ZFR2: variants seen among roughly 807,000 people sequenced by gnomAD.
ZFR2 encodes the protein zinc finger RNA-binding protein 2.
ZFR2 carries 104 observed loss-of-function variants against 105.7 expected under a neutral mutation model. That is an observed-to-expected ratio of 0.98 (90% CI 0.84 to 1.16). The LOEUF is 1.16. Among genes scored for constraint, ZFR2 ranks in the 50% most tolerant of loss-of-function variants. The probability of loss-of-function intolerance (pLI) is 0.00; values close to 1 mark genes in which losing one functional copy is unlikely to be tolerated. For synonymous variants in ZFR2, 634 were observed against 597.7 expected (o/e 1.06, Z -0.89); for missense variants, 1,425 against 1,355.5 (o/e 1.05, Z -0.80).
rs920353644 is a variant in ZFR2, at chr19:3,827,543, G to A, written c.963C>T (p.Cys321=). 9.6e-6 allele frequency: 15 copies of A among 1,561,670 alleles called. No individual in the cohort carries two copies. In the East Asian group the frequency reaches 9.6e-5, roughly 10 times the overall value. Residue 321 remains cysteine, a synonymous_variant, in exon 6 of 19, where the codon TGC becomes TGT. Transcript: ENST00000262961. The part of the protein sequence containing the change: ...SPRGVQAQLH[C]DLCAVSCTGA... ...CGGTGCAGGACACGGCGCACAGGTCGCAATGCAGCTGCGCCTGCACCCCGC... is the reference window on the plus strand; with the variant it reads ...CGGTGCAGGACACGGCGCACAGGTCACAATGCAGCTGCGCCTGCACCCCGC...
intron 1 of ZFR2, among the ~76,000 whole-genome samples, chr19:3,835,827 C>G (rs1474290087): frequency 6.6e-6 from 1 of 152,008 alleles, no homozygotes; most frequent in Non-Finnish European, 1.5e-5. Flanking sequence ...ATAGTACACG[C>G]CTGCAGTGCC....
chr19:3,868,738 C>CAG (rs2145204377), intron 1 of ZFR2, among the ~76,000 whole-genome samples: 1 of 152,210 alleles, frequency 6.6e-6, no homozygotes, highest in South Asian at 2.1e-4. Context: ...CCGTTGGCTG[C>CAG]AGAGACGTCT....
chr19:3,863,684 G>A (rs932802730), intron 1 of ZFR2, among the ~76,000 whole-genome samples: 1 of 152,172 alleles, frequency 6.6e-6, no homozygotes, highest in Non-Finnish European at 1.5e-5. Flanking sequence ...CAGCGTAAAG[G>A]ATGGCAATAA....
intron 1 of ZFR2, chr19:3,855,267 C>T (rs2038283741): frequency 7.9e-6 from 6 of 757,874 alleles, no homozygotes; most frequent in Non-Finnish European, 1.1e-5. Flanking sequence ...AAATCATTTG[C>T]ATTTTCAGAA....
rs754045019 is a variant in ZFR2, at chr19:3,834,315, C to T, written c.264+458G>A. Among the ~76,000 whole-genome samples, 32 of 148,530 alleles carry T rather than the reference C, an allele frequency of 2.2e-4. No homozygotes were observed. The highest frequency in any genetic ancestry group is 3.6e-4 in the Non-Finnish European group (24 of 66,894). ...AGTGCCTCGGTTGGGAAGGTGAGGTCGTCAGCACCCAGGTGCACCCCACAC... is the reference window on the plus strand; with the variant it reads ...AGTGCCTCGGTTGGGAAGGTGAGGTTGTCAGCACCCAGGTGCACCCCACAC... On this transcript the variant is annotated intron_variant, in intron 2 of 18. Coordinates refer to ENST00000262961, the MANE Select transcript of ZFR2 (RefSeq NM_015174.2). This position sits in a 1 kb window ranked among gnomAD's most constrained non-coding sequence, Gnocchi z 5.3.
Position 3,823,224 on chromosome 19 carries a change from G to A in ZFR2, c.1371+22C>T, listed in dbSNP as rs1364904947. 22 of 1,613,804 alleles carry A rather than the reference G, an allele frequency of 1.4e-5. No individual in the cohort carries two copies. The highest frequency in any genetic ancestry group is 1.8e-5 in the Non-Finnish European group (21 of 1,179,862). Reference sequence around the variant, plus strand: ...AGGTCCTTCCCTGACCGGGGCACCAGGACTTGACAGCCTCGACTTACCTCC... The same window carrying A: ...AGGTCCTTCCCTGACCGGGGCACCAAGACTTGACAGCCTCGACTTACCTCC... On this transcript the variant is annotated intron_variant, in intron 8 of 18. Coordinates refer to ENST00000262961, the MANE Select transcript of ZFR2 (RefSeq NM_015174.2). This position sits in a 1 kb window ranked among gnomAD's most constrained non-coding sequence, Gnocchi z 5.4.
At chr19:3,826,329 G>T (rs1002787820) in intron 6 of ZFR2, among the ~76,000 whole-genome samples, 2 of 151,988 alleles carry the variant, frequency 1.3e-5, no homozygotes, top group Non-Finnish European at 2.9e-5. Context: ...GGCCTCTCAG[G>T]GTGGCTCAGC....
In ZFR2 at chr19:3,805,090, T is replaced by G. The variant is rs2037682490; in HGVS notation, c.*859A>C. 1 of 152,206 alleles carries G rather than the reference T, an allele frequency of 6.6e-6. No homozygotes were observed. Among genetic ancestry groups the G allele is most frequent in the African/African-American group, 2.4e-5 (1 of 41,424 alleles). 9.4% of individuals were successfully genotyped at this position (152,206 alleles called of 1,614,324 possible). ...TGTCACCATATTGCCCAGACTGATCTTAAACCGCTGGGCTCAAGCGATCCA... is the reference window on the plus strand; with the variant it reads ...TGTCACCATATTGCCCAGACTGATCGTAAACCGCTGGGCTCAAGCGATCCA... On this transcript the variant is annotated 3_prime_UTR_variant, in exon 19 of 19. Coordinates refer to ENST00000262961, the MANE Select transcript of ZFR2 (RefSeq NM_015174.2).
chr19:3,826,966 G>A (rs1006688066), intron 6 of ZFR2, among the ~76,000 whole-genome samples: 16 of 152,094 alleles, frequency 1.1e-4, no homozygotes, highest in African/African-American at 3.6e-4. Flanking sequence ...AGGAGTCCCC[G>A]CACGGTGGCT....
At position 3,833,676 on chromosome 19, in the gene ZFR2, A is replaced by G; in HGVS notation, c.367T>C (p.Ser123Pro). Reference sequence around the variant, plus strand: ...GCAGATGGCTCACCTGGCTGGCCGGAGTCTGCGGCTGTCATGCGCCCAGAC... The same window carrying G: ...GCAGATGGCTCACCTGGCTGGCCGGGGTCTGCGGCTGTCATGCGCCCAGAC... The part of the protein sequence containing the change: ...LQSGRMTAAD[S>P]GQPGTQEACG... Residue 123 changes from serine (S) to proline (P), a missense_variant, in exon 3 of 19, where the codon TCC becomes CCC. Coordinates refer to ENST00000262961, the MANE Select transcript of ZFR2 (RefSeq NM_015174.2). 3 of 1,561,874 alleles carry G rather than the reference A, an allele frequency of 1.9e-6. No homozygotes were observed. Among genetic ancestry groups the G allele is most frequent in the Non-Finnish European group, 2.6e-6 (3 of 1,152,928 alleles).
chr19:3,843,856 G>GA (rs1021162963), intron 1 of ZFR2, among the ~76,000 whole-genome samples: 18 of 151,084 alleles, frequency 1.2e-4, no homozygotes, highest in Non-Finnish European at 2.1e-4. Context: ...AAGAAAGAAA[G>GA]AAAAAAAACA....
At position 3,816,805 on chromosome 19, in the gene ZFR2, G is replaced by A. The variant is rs759942163; in HGVS notation, c.1972C>T (p.Arg658Ter). 10 of 1,588,144 alleles carry A rather than the reference G, an allele frequency of 6.3e-6. No individual in the cohort carries two copies. In the East Asian group the frequency reaches 1.4e-4, roughly 22 times the overall value. The change falls in exon 13 of 19, where the codon CGA (arginine) becomes TGA (stop). Residue 658 changes from arginine (R) to a stop codon, truncating the protein, a stop_gained. Transcript: ENST00000262961. LOFTEE classifies it high-confidence loss of function. Reference sequence around the variant, plus strand: ...AGGCCTTTCGCCAGGATGCCTACTCGCATGACGCCTTTCAGGACCCGAGTC... The same window carrying A: ...AGGCCTTTCGCCAGGATGCCTACTCACATGACGCCTTTCAGGACCCGAGTC... ...PQTRVLKGVMRVGILAKGLLL... is the reference protein window; with the variant it reads ...PQTRVLKGVM
rs532926663 is a variant in ZFR2, at chr19:3,822,063, T to TC, written c.1491+17dup. Reference sequence around the variant, plus strand: ...GCACAGCCCGGACGGGTGTCGGAGCTCCCCCTGCTGGACGCACCCGGTACT... The same window carrying TC: ...GCACAGCCCGGACGGGTGTCGGAGCTCCCCCCTGCTGGACGCACCCGGTACT... On this transcript the variant is annotated intron_variant, in intron 9 of 18. Transcript: ENST00000262961. 4 of 1,582,318 alleles carry TC rather than the reference T, an allele frequency of 2.5e-6. No individual in the cohort carries two copies. Among genetic ancestry groups the TC allele is most frequent in the African/African-American group, 1.3e-5 (1 of 74,114 alleles).
chr19:3,834,833 G>A lies in ZFR2; in HGVS notation c.204C>T (p.Phe68=), dbSNP rs771174787. ...GCTCCTGGGGTCGGCTGCCGTAGGC[G>A]AAGTCCTGGCCGGAGTGGGGCTGGT... is the stretch of plus-strand genomic sequence containing the variant. The part of the protein sequence containing the change: ...GGYQPHSGQD[F]AYGSRPQEPV... The change falls in exon 2 of 19, where the codon TTC becomes TTT. Residue 68 remains phenylalanine (F), a synonymous_variant. Coordinates refer to ENST00000262961, the MANE Select transcript of ZFR2 (RefSeq NM_015174.2). This position sits in a 1 kb window ranked among gnomAD's most constrained non-coding sequence, Gnocchi z 5.3. The A allele has an allele frequency of 4.2e-5, 68 of 1,612,342 alleles. No homozygotes were observed. Among genetic ancestry groups the A allele is most frequent in the Middle Eastern group, 1.7e-4 (1 of 5,994 alleles).
intron 3 of ZFR2, 51 bp downstream of exon 3, chr19:3,833,613 G>T: frequency 1.4e-6 from 2 of 1,385,906 alleles, no homozygotes; most frequent in Non-Finnish European, 2.0e-6. Context: ...GTTTCCCTGT[G>T]CTGCGGGGAG....
rs757256545 is a variant in ZFR2, at chr19:3,827,570, C to T, written c.936G>A (p.Pro312=). 60 of 1,569,046 alleles carry T rather than the reference C, an allele frequency of 3.8e-5. No homozygotes were observed. The highest frequency in any genetic ancestry group is 9.3e-5 in the Admixed American group (5 of 53,532). Residue 312 remains proline (P), a synonymous_variant, in exon 6 of 19, where the codon CCG becomes CCA. Transcript: ENST00000262961. ...QKTGVQPNGS[P]RGVQAQLHCD... is the part of the protein sequence containing the mutation. ...AATGCAGCTGCGCCTGCACCCCGCG[C>T]GGGCTCCCGTTGGGCTGCACGCCTG...
chr19:3,862,382 C>T (rs901020570), intron 1 of ZFR2, among the ~76,000 whole-genome samples: 4 of 152,178 alleles, frequency 2.6e-5, no homozygotes, highest in African/African-American at 9.7e-5. Flanking sequence ...ACTGCAACCT[C>T]CACCTCCCGG....
intron 9 of ZFR2, 88 bp from the exon 10 acceptor site, chr19:3,821,567 G>T: frequency 9.1e-7 from 1 of 1,102,734 alleles, no homozygotes; most frequent in Non-Finnish European, 1.2e-6. Flanking sequence ...GAGAGGCCCA[G>T]AGACTAGAAC....
At chr19:3,866,051 A>G (rs570931596) in intron 1 of ZFR2, among the ~76,000 whole-genome samples, 1 of 152,270 alleles carries the variant, frequency 6.6e-6, no homozygotes, top group East Asian at 1.9e-4. Context: ...CATGTTGGCC[A>G]GGCTGGTCTC....
Sources: allele counts gnomAD v4.1 joint callset (sites outside exome capture counted in the v4.1 genomes callset), GRCh38; gene constraint gnomAD v4.1.1; non-coding constraint Gnocchi (gnomAD v3.1); transcripts MANE v1.5; gene names NCBI Gene and HGNC (gene_info 2026-07-23, HGNC 2026-07-21).